SLBP: variants seen among roughly 807,000 people sequenced by gnomAD.
SLBP encodes stem-loop histone mRNA binding protein, also known as histone RNA hairpin-binding protein.
SLBP carries 29 observed loss-of-function variants against 39.2 expected under a neutral mutation model. The observed-to-expected ratio is 0.74, with a 90% CI of 0.55 to 1.01. The LOEUF (loss-of-function observed/expected upper bound fraction) is 1.01. Ranked by LOEUF, SLBP falls within the 50% of genes least tolerant of loss-of-function variation. The pLI, the probability that SLBP is intolerant of heterozygous loss-of-function variation, is 0.00. For synonymous variants in SLBP, 129 were observed against 118.7 expected, an observed-to-expected ratio of 1.09 and a Z score of -0.57; for missense variants, 390 against 350.2, an observed-to-expected ratio of 1.11 and a Z score of -0.91.
At chr4:1,694,967 G>A in intron 6 of SLBP, 127 bp from the exon 7 acceptor site, 2 of 704,442 alleles carry the variant, frequency 2.8e-6, no homozygotes, top group East Asian at 2.6e-5. Flanking sequence ...GGCTCCCTGA[G>A]GGGTCAGCTT....
At chr4:1,701,139 T>A (rs1560249348) in intron 3 of SLBP, among the ~76,000 whole-genome samples, 1 of 126,490 alleles carries the variant, frequency 7.9e-6, no homozygotes, top group Non-Finnish European at 1.8e-5. Context: ...TCCATTTTCT[T>A]TTTTTTCTTT....
intron 3 of SLBP, among the ~76,000 whole-genome samples, chr4:1,700,656 C>T (rs963629736): frequency 1.3e-5 from 2 of 151,984 alleles, no homozygotes; most frequent in Non-Finnish European, 2.9e-5. Flanking sequence ...TATTCCTGGG[C>T]TGAAGCAATC....
At chr4:1,701,322 T>C (rs1716320099) in intron 3 of SLBP, among the ~76,000 whole-genome samples, 1 of 151,946 alleles carries the variant, frequency 6.6e-6, no homozygotes, top group Non-Finnish European at 1.5e-5. Context: ...ATTTTTAGTA[T>C]TTTTAGTAGA....
chr4:1,694,936 C>G, intron 6 of SLBP, 96 bp from the exon 7 acceptor site: 1 of 827,608 alleles, frequency 1.2e-6, no homozygotes, highest in East Asian at 2.5e-5. Context: ...GGTACAGCCA[C>G]AACACTGACA....
intron 2 of SLBP, among the ~76,000 whole-genome samples, chr4:1,711,034 G>A (rs1475131780): frequency 7.4e-6 from 1 of 135,318 alleles, no homozygotes; most frequent in Non-Finnish European, 1.5e-5. Context: ...CTGTGAGACA[G>A]AGTGAGACCC....
Position 1,703,458 on chromosome 4 carries a change from A to G in SLBP, c.281+138T>C, listed in dbSNP as rs141549993. 610 of 640,218 alleles carry G rather than the reference A, an allele frequency of 9.5e-4. 4 individuals are homozygous for G. Among genetic ancestry groups the G allele is most frequent in the African/African-American group, 8.4e-3 (463 of 55,056 alleles). The allele number at this position is 640,218 out of a possible 1,614,324, so 39.7% of individuals were successfully genotyped here. On this transcript the variant is annotated intron_variant, in intron 3 of 7. Coordinates refer to ENST00000489418, the MANE Select transcript of SLBP (RefSeq NM_006527.4). ...AAGGGTCTGAGAATCTGTATTTCTA[A>G]CAAGTTCCCAGGAAATGTTGATGCC... is the stretch of plus-strand genomic sequence containing the variant.
rs180728523 is a variant in SLBP at position 1,692,966 on chromosome 4, T to C, written c.*631A>G. Reference sequence around the variant, plus strand: ...TAACTGATTGTTTTAAAATGTTCTTTCTAAATCGCTCCACTCTGCTGCCCT... The same window carrying C: ...TAACTGATTGTTTTAAAATGTTCTTCCTAAATCGCTCCACTCTGCTGCCCT... On this transcript the variant is annotated 3_prime_UTR_variant, in exon 8 of 8. Coordinates refer to ENST00000489418, the MANE Select transcript of SLBP (RefSeq NM_006527.4). 5 of 152,806 alleles carry C rather than the reference T, an allele frequency of 3.3e-5. No homozygotes were observed. The highest frequency in any genetic ancestry group is 2.6e-4 in the Admixed American group (4 of 15,308). The allele number at this position is 152,806 out of a possible 1,614,324, so 9.5% of individuals were successfully genotyped here.
chr4:1,711,958 C>T lies in SLBP; in HGVS notation c.92G>A (p.Arg31Gln), dbSNP rs763915356. 6 of 1,322,388 alleles carry T rather than the reference C, an allele frequency of 4.5e-6. No homozygotes were observed. Among genetic ancestry groups the T allele is most frequent in the Non-Finnish European group, 5.8e-6 (6 of 1,038,314 alleles). 81.9% of individuals were successfully genotyped at this position (1,322,388 alleles called of 1,614,324 possible). Residue 31 changes from arginine (R) to glutamine (Q), a missense_variant, in exon 2 of 8, where the codon CGG (arginine) becomes CAG (glutamine). By Grantham distance (43) the Arg-to-Gln change is conservative. Coordinates refer to ENST00000489418, the MANE Select transcript of SLBP (RefSeq NM_006527.4). ...GCGCCTGCCGTCGGCTCTGCGCTTC[C>T]GTCCCAGGCTCCATCGCGCGGGGGA... The part of the protein sequence containing the change: ...PPSPARWSLG[R>Q]KRRADGRRWR...
intron 4 of SLBP, 118 bp from the exon 5 acceptor site, chr4:1,699,819 T>C (rs1057304585): frequency 9.8e-7 from 1 of 1,019,506 alleles, no homozygotes; most frequent in Non-Finnish European, 1.5e-6. Flanking sequence ...TTCCCAACCA[T>C]ATGAATCCTA....
intron 2 of SLBP, 112 bp from the exon 3 acceptor site, chr4:1,703,812 T>C (rs1716419882): frequency 1.3e-6 from 1 of 786,722 alleles, no homozygotes; most frequent in Non-Finnish European, 2.2e-6. Flanking sequence ...GTGCCTGTAA[T>C]ACCAGCACTT....
At chr4:1,709,007 T>C (rs1226001596) in intron 2 of SLBP, among the ~76,000 whole-genome samples, 2 of 152,134 alleles carry the variant, frequency 1.3e-5, no homozygotes, top group Non-Finnish European at 2.9e-5. Flanking sequence ...TTTGTTTACC[T>C]TCCCTTCATA....
rs574249674 is a variant in SLBP at position 1,694,436 on chromosome 4, G to A, written c.696+338C>T. Among the ~76,000 whole-genome samples, 3 of 148,754 alleles carry A rather than the reference G, an allele frequency of 2.0e-5. No individual in the cohort carries two copies. The East Asian group carries it at 6.0e-4, about 30-fold the overall frequency. On this transcript the variant is annotated intron_variant, in intron 7 of 7. Transcript: ENST00000489418. ...AGACAGAGTCTTGCTCTGTTGCCCA[G>A]GCTGGAGTGCAATGGCGCCATCTCA...
chr4:1,702,200 T>C (rs1716354813), intron 3 of SLBP, among the ~76,000 whole-genome samples: 1 of 152,166 alleles, frequency 6.6e-6, no homozygotes, highest in East Asian at 1.9e-4. Context: ...ACAAGTCAAG[T>C]CAAACATTCT....
At chr4:1,701,216 G>A (rs1315951002) in intron 3 of SLBP, among the ~76,000 whole-genome samples, 2 of 146,036 alleles carry the variant, frequency 1.4e-5, no homozygotes, top group East Asian at 4.1e-4. Context: ...CGAGATCTCG[G>A]CTCAGTGCAA....
rs1178613824 is a variant in SLBP, at chr4:1,700,009, A to C, written c.341+2T>G. The C allele has an allele frequency of 9.4e-6, 15 of 1,589,446 alleles. No individual in the cohort carries two copies. The highest frequency in any genetic ancestry group is 1.2e-5 in the Non-Finnish European group (14 of 1,164,194). On this transcript the variant is annotated splice_donor_variant, in intron 4 of 7. Transcript: ENST00000489418. LOFTEE classifies it high-confidence loss of function. ...GAAAAGAAACATTTACACAGCCTTTACCTTCCTGATGATGATTTTCTCTCT... is the reference window on the plus strand; with the variant it reads ...GAAAAGAAACATTTACACAGCCTTTCCCTTCCTGATGATGATTTTCTCTCT...
In SLBP at chr4:1,696,214, T is replaced by C. The variant is rs1438258871; in HGVS notation, c.617A>G (p.Asp206Gly). 3 of 1,592,174 alleles carry C rather than the reference T, an allele frequency of 1.9e-6. No homozygotes were observed. The highest frequency in any genetic ancestry group is 2.3e-5 in the East Asian group (1 of 43,444). Residue 206 changes from aspartate to glycine, a missense_variant, in exon 6 of 8, where the codon GAT (aspartate) becomes GGT (glycine). Transcript: ENST00000489418. The stretch of plus-strand genomic sequence containing the variant: ...AATAAAGACATACATTTCTTGCAAA[T>C]CACATCCTTCTTCCGCTGGAGGATC... ...FWDPPAEEGC[D>G]LQEIHPVDLE...
chr4:1,699,168 G>A (rs1716233491), intron 5 of SLBP, among the ~76,000 whole-genome samples: 1 of 152,186 alleles, frequency 6.6e-6, no homozygotes. Context: ...GTGTGTTTGA[G>A]GGACCAGGAT....
chr4:1,703,055 A>T (rs1216337417), intron 3 of SLBP, among the ~76,000 whole-genome samples: 2 of 151,934 alleles, frequency 1.3e-5, no homozygotes, highest in East Asian at 3.9e-4. Context: ...TGACAAACAT[A>T]GTGAAACCCC....
At chr4:1,703,082 C>A (rs1716386721) in intron 3 of SLBP, among the ~76,000 whole-genome samples, 1 of 151,858 alleles carries the variant, frequency 6.6e-6, no homozygotes, top group Admixed American at 6.6e-5. Context: ...ACAAAAAATA[C>A]AAAAATTAGC....
Sources: allele counts gnomAD v4.1 joint callset (sites outside exome capture counted in the v4.1 genomes callset), GRCh38; gene constraint gnomAD v4.1.1; transcripts MANE v1.5; gene names NCBI Gene and HGNC (gene_info 2026-07-23, HGNC 2026-07-21).